RAB38: variants seen among roughly 807,000 people sequenced by gnomAD.
RAB38 encodes the protein ras-related protein Rab-38.
A neutral mutation model predicts 18.4 loss-of-function variants in RAB38; 15 were observed. That is an observed-to-expected ratio of 0.82 (90% CI 0.55 to 1.26). The LOEUF (loss-of-function observed/expected upper bound fraction) is 1.26. RAB38 is among the 50% of genes most tolerant of loss of function. RAB38 has a pLI of 0.00. For missense variants in RAB38, 294 were observed against 267.4 expected (o/e 1.10, Z -0.69); for synonymous variants, 101 against 104.4 (o/e 0.97, Z 0.20).
At chr11:87,907,925 T>C in the RAB38 span, among the ~76,000 whole-genome samples, 1 of 151,814 alleles carries the variant, frequency 6.6e-6, no homozygotes, top group East Asian at 1.9e-4. Flanking sequence ...TAAGCACACA[T>C]ACATTTTATA....
intron 1 of RAB38, among the ~76,000 whole-genome samples, chr11:88,174,620 CAAA>C (rs60026669): frequency 0.012 from 1,163 of 101,120 alleles, 20 homozygotes; most frequent in African/African-American, 0.035. Flanking sequence ...AAGCAAAAAG[CAAA>C]AAAAAAAAAA....
At chr11:87,896,372 C>A in the RAB38 span, among the ~76,000 whole-genome samples, 1 of 151,608 alleles carries the variant, frequency 6.6e-6, no homozygotes. Flanking sequence ...GGTGAACCAT[C>A]CAATTTGAAA....
At chr11:87,885,222 C>G in the RAB38 span, among the ~76,000 whole-genome samples, 2 of 151,772 alleles carry the variant, frequency 1.3e-5, no homozygotes, top group African/African-American at 4.8e-5. Flanking sequence ...GCTACACTTA[C>G]CACCCTGAAT....
the RAB38 span, among the ~76,000 whole-genome samples, chr11:87,940,927 C>T: frequency 6.6e-6 from 1 of 151,884 alleles, no homozygotes; most frequent in African/African-American, 2.4e-5. Context: ...CCACCACGCC[C>T]AGCCCAGAAG....
At chr11:87,917,186 G>A in the RAB38 span, among the ~76,000 whole-genome samples, 1 of 152,122 alleles carries the variant, frequency 6.6e-6, no homozygotes, top group Admixed American at 6.6e-5. Flanking sequence ...GAGGGATGCT[G>A]AGACTTAGAG....
At chr11:87,928,527 G>C in the RAB38 span, among the ~76,000 whole-genome samples, 1 of 151,888 alleles carries the variant, frequency 6.6e-6, no homozygotes, top group Non-Finnish European at 1.5e-5. Context: ...TAAGTAAAAT[G>C]TTGAGACAAA....
At chr11:88,044,222 C>T in the RAB38 span, among the ~76,000 whole-genome samples, 3 of 152,290 alleles carry the variant, frequency 2.0e-5, no homozygotes, top group African/African-American at 7.2e-5. Context: ...TGTCTGACCA[C>T]GTGGAGACAC....
the RAB38 span, among the ~76,000 whole-genome samples, chr11:88,021,698 C>T: frequency 2.7e-5 from 4 of 150,764 alleles, no homozygotes; most frequent in African/African-American, 7.3e-5. Flanking sequence ...TCAAGCGATC[C>T]TCATGCCTCA....
chr11:87,890,688 C>T, the RAB38 span, among the ~76,000 whole-genome samples: 8 of 151,996 alleles, frequency 5.3e-5, no homozygotes, highest in African/African-American at 1.4e-4. Flanking sequence ...CTCCCTGAAT[C>T]ATAGAGGTTC....
the RAB38 span, among the ~76,000 whole-genome samples, chr11:87,898,892 C>T: frequency 6.6e-6 from 1 of 151,596 alleles, no homozygotes; most frequent in Admixed American, 6.6e-5. Context: ...TAGGAAGGAC[C>T]AAGATGCCTG....
At chr11:87,873,932 A>ATATATATATATATATATATATATATC in the RAB38 span, among the ~76,000 whole-genome samples, 1 of 141,242 alleles carries the variant, frequency 7.1e-6, no homozygotes, top group Non-Finnish European at 1.5e-5. Context: ...GTATATATAT[A>ATATATATATATATATATATATATATC]TATATATATA....
At chr11:87,908,126 C>T in the RAB38 span, among the ~76,000 whole-genome samples, 1 of 151,758 alleles carries the variant, frequency 6.6e-6, no homozygotes, top group African/African-American at 2.4e-5. Context: ...TTGGTCTGGC[C>T]ATATAGCAGT....
chr11:87,875,838 T>C, the RAB38 span, among the ~76,000 whole-genome samples: 1 of 151,642 alleles, frequency 6.6e-6, no homozygotes, highest in African/African-American at 2.4e-5. Flanking sequence ...ACAACCTTGC[T>C]AAAATTTACA....
At chr11:88,129,240 G>A (rs1009202878) in intron 2 of RAB38, among the ~76,000 whole-genome samples, 3 of 152,092 alleles carry the variant, frequency 2.0e-5, no homozygotes, top group Non-Finnish European at 4.4e-5. Context: ...GGAAAGTAGA[G>A]TTGAAACATA....
At chr11:87,939,886 T>C in the RAB38 span, among the ~76,000 whole-genome samples, 5 of 152,088 alleles carry the variant, frequency 3.3e-5, no homozygotes, top group Non-Finnish European at 5.9e-5. Context: ...CTGAGTGACA[T>C]AGCCAGACCT....
chr11:88,149,436 T>C (rs1215161066), intron 2 of RAB38, among the ~76,000 whole-genome samples: 1 of 152,174 alleles, frequency 6.6e-6, no homozygotes, highest in Admixed American at 6.5e-5. Context: ...TTATCAACTA[T>C]TACTATTGAA....
the RAB38 span, among the ~76,000 whole-genome samples, chr11:87,823,480 A>G: frequency 9.9e-5 from 15 of 152,222 alleles, no homozygotes; most frequent in Non-Finnish European, 1.8e-4. Flanking sequence ...AAAAGAAAAA[A>G]TTTCCTTTTA....
At chr11:88,108,360 T>A (rs1010100020), downstream of RAB38, among the ~76,000 whole-genome samples, 1 of 152,228 alleles carries the variant, frequency 6.6e-6, no homozygotes, top group Non-Finnish European at 1.5e-5. Context: ...TTGATCCCTT[T>A]ACCATTATGT....
the RAB38 span, among the ~76,000 whole-genome samples, chr11:87,814,079 A>G: frequency 6.6e-6 from 1 of 152,160 alleles, no homozygotes; most frequent in African/African-American, 2.4e-5. Context: ...GTGCAGACCC[A>G]TCTAGACATT....
Sources: allele counts gnomAD v4.1 joint callset (sites outside exome capture counted in the v4.1 genomes callset), GRCh38; gene constraint gnomAD v4.1.1; transcripts MANE v1.5; gene names NCBI Gene and HGNC (gene_info 2026-07-23, HGNC 2026-07-21).